The following EGFR variants were observed in gnomAD, a reference collection of about 807,000 sequenced individuals.
EGFR encodes the protein avian erythroblastic leukemia viral (v-erb-b) oncogene homolog.
EGFR carries 58 observed loss-of-function variants against 143.0 expected under a neutral mutation model. The ratio of observed to expected loss-of-function variants is 0.41; its 90% CI spans 0.33 to 0.50. EGFR has a LOEUF of 0.50. Ranked by LOEUF, EGFR falls within the 20% of genes least tolerant of loss-of-function variation. The pLI, the probability that EGFR is intolerant of heterozygous loss-of-function variation, is 0.39. For synonymous variants in EGFR, 613 were observed against 594.4 expected (o/e 1.03, Z -0.45); for missense variants, 1,307 against 1,579.0 (o/e 0.83, Z 2.92).
At chr7:55,049,218 A>C (rs1241551336) in intron 1 of EGFR, among the ~76,000 whole-genome samples, 1 of 152,218 alleles carries the variant, frequency 6.6e-6, no homozygotes, top group Non-Finnish European at 1.5e-5. Context: ...ACATAGGAAT[A>C]ACGACCACTG....
chr7:55,165,975 T>C lies in EGFR; in HGVS notation c.1880+538T>C, dbSNP rs182615833. On this transcript the variant is annotated intron_variant, in intron 15 of 27. Transcript: ENST00000275493. Reference sequence around the variant, plus strand: ...GGCAGATCACTTGAGGTCAGGAGCTTGAGACCAGGCTGGCCAACATGGTGA... The same window carrying C: ...GGCAGATCACTTGAGGTCAGGAGCTCGAGACCAGGCTGGCCAACATGGTGA... Among the ~76,000 whole-genome samples the C allele has an allele frequency of 8.2e-3, 1,243 of 152,202 alleles. 19 individuals are homozygous for C. The highest frequency in any genetic ancestry group is 0.028 in the African/African-American group (1,169 of 41,524).
chr7:55,151,214 C>T, intron 4 of EGFR, 80 bp from the exon 5 acceptor site: 12 of 1,392,658 alleles, frequency 8.6e-6, no homozygotes, highest in Non-Finnish European at 1.1e-5. Flanking sequence ...ATTGAATGTG[C>T]TTAACTCAGG....
In EGFR at chr7:55,092,816, G is replaced by A. The variant is rs533711719; in HGVS notation, c.89-49470G>A. ...CAGCGGGCGGTGTGGGACCGGCACC[G>A]TATCTCCAGCAATTCGCAGATAACA... On this transcript the variant is annotated intron_variant, in intron 1 of 27. Coordinates refer to ENST00000275493, the MANE Select transcript of EGFR (RefSeq NM_005228.5). 3.3e-4 allele frequency among the ~76,000 whole-genome samples: 50 copies of A among 152,354 alleles called. 1 individual carries two copies. The South Asian group carries it at 5.4e-3, about 16-fold the overall frequency.
chr7:55,165,287 A>G lies in EGFR; in HGVS notation c.1730A>G (p.Asp577Gly), dbSNP rs1785909930. 6.2e-7 allele frequency: 1 copy of G among 1,614,192 alleles called. No individual in the cohort carries two copies. The highest frequency in any genetic ancestry group is 1.1e-5 in the South Asian group (1 of 91,086). ...TTCTCCACCTTGGTGCAGGGACCAG[A>G]CAACTGTATCCAGTGTGCCCACTAC... is the stretch of plus-strand genomic sequence containing the variant. ...MNITCTGRGP[D>G]NCIQCAHYID... The change falls in exon 15 of 28, where the codon GAC (aspartate) becomes GGC (glycine). Residue 577 changes from aspartate (D) to glycine (G), a missense_variant. Asp to Gly is a moderately conservative substitution (Grantham distance 94). Transcript: ENST00000275493.
At chr7:55,106,002 C>T (rs17289371) in intron 1 of EGFR, among the ~76,000 whole-genome samples, 6,316 of 152,254 alleles carry the variant, frequency 0.041, 262 homozygotes, top group East Asian at 0.19. Context: ...TTTCTGTGTG[C>T]TTACTTGAAA....
intron 20 of EGFR, 177 bp downstream of exon 20, chr7:55,181,655 T>C (rs1786885986): frequency 1.3e-6 from 1 of 745,846 alleles, no homozygotes; most frequent in South Asian, 1.7e-5. Flanking sequence ...CACAAATCAG[T>C]GCCTGTCCCA....
At chr7:55,106,077 AG>A (rs1449847687) in intron 1 of EGFR, among the ~76,000 whole-genome samples, 2 of 152,236 alleles carry the variant, frequency 1.3e-5, no homozygotes, top group African/African-American at 4.8e-5. Context: ...CAGGAGACCT[AG>A]AGACCCAGGT....
At chr7:55,046,668 T>G (rs1788196445) in intron 1 of EGFR, among the ~76,000 whole-genome samples, 1 of 152,138 alleles carries the variant, frequency 6.6e-6, no homozygotes, top group Admixed American at 6.5e-5. Flanking sequence ...CGTACACATT[T>G]CATATTAAAG....
chr7:55,059,306 CT>C (rs1356736810), intron 1 of EGFR, among the ~76,000 whole-genome samples: 3 of 152,148 alleles, frequency 2.0e-5, no homozygotes, highest in African/African-American at 7.2e-5. Flanking sequence ...AATAAACTTC[CT>C]TTTTTGAGCT....
At chr7:55,071,744 G>A (rs1437483322) in intron 1 of EGFR, among the ~76,000 whole-genome samples, 1 of 152,200 alleles carries the variant, frequency 6.6e-6, no homozygotes, top group Non-Finnish European at 1.5e-5. Flanking sequence ...TTTCAAATTA[G>A]TACAGAATCA....
chr7:55,156,458 C>T (rs1255618585), intron 8 of EGFR, 75 bp from the exon 9 acceptor site: 1 of 1,602,684 alleles, frequency 6.2e-7, no homozygotes, highest in Non-Finnish European at 8.5e-7. Flanking sequence ...TTCCTGCTTC[C>T]CTCTGCCTGT....
Position 55,164,306 on chromosome 7 carries a change from G to C in EGFR, c.1722+483G>C, listed in dbSNP as rs146443333. On this transcript the variant is annotated intron_variant, in intron 14 of 27. Coordinates refer to ENST00000275493, the MANE Select transcript of EGFR (RefSeq NM_005228.5). ...ATAATCTTTTAAAGAATATGAGTGA[G>C]AATTCGGGCCCCTCTCACACCAAAT... 6.6e-4 allele frequency among the ~76,000 whole-genome samples: 100 copies of C among 152,260 alleles called. 2 individuals carry two copies. Among genetic ancestry groups the C allele is most frequent in the African/African-American group, 2.3e-3 (97 of 41,536 alleles).
At chr7:55,104,544 A>G (rs1008557942) in intron 1 of EGFR, among the ~76,000 whole-genome samples, 3 of 152,224 alleles carry the variant, frequency 2.0e-5, no homozygotes, top group African/African-American at 7.2e-5. Context: ...GGTTATCTGA[A>G]GGATTCCAGG....
intron 1 of EGFR, among the ~76,000 whole-genome samples, chr7:55,044,681 T>C (rs750388147): frequency 2.6e-5 from 4 of 152,200 alleles, no homozygotes; most frequent in African/African-American, 4.8e-5. Flanking sequence ...GCAAATCTGG[T>C]TGTGAGCTAG....
At chr7:55,177,934 C>T (rs538447676) in intron 19 of EGFR, among the ~76,000 whole-genome samples, 3 of 152,362 alleles carry the variant, frequency 2.0e-5, no homozygotes, top group East Asian at 1.9e-4. Context: ...ACGGGACACA[C>T]GACTGAACAG....
At chr7:55,157,863 C>A in intron 11 of EGFR, 110 bp downstream of exon 11, 2 of 1,077,340 alleles carry the variant, frequency 1.9e-6, no homozygotes, top group Non-Finnish European at 2.8e-6. Context: ...GCATCTCTCG[C>A]CGGCATTCCC....
intron 3 of EGFR, among the ~76,000 whole-genome samples, chr7:55,144,740 G>C (rs943479201): frequency 6.6e-6 from 1 of 152,162 alleles, no homozygotes; most frequent in African/African-American, 2.4e-5. Flanking sequence ...ACGCTGTCTC[G>C]GAGGGAGGCA....
At chr7:55,093,350 G>C (rs4947972) in intron 1 of EGFR, among the ~76,000 whole-genome samples, 39,209 of 152,186 alleles carry the variant, frequency 0.26, 7,011 homozygotes, top group East Asian at 0.86. Flanking sequence ...CTTTTGTGTT[G>C]GGAATTGTGC....
chr7:55,110,884 T>C (rs905223782), intron 1 of EGFR, among the ~76,000 whole-genome samples: 1 of 152,152 alleles, frequency 6.6e-6, no homozygotes, highest in African/African-American at 2.4e-5. Context: ...ATGGGAGTGA[T>C]TTCATTTTCC....
Sources: allele counts gnomAD v4.1 joint callset (sites outside exome capture counted in the v4.1 genomes callset), GRCh38; gene constraint gnomAD v4.1.1; transcripts MANE v1.5; gene names NCBI Gene and HGNC (gene_info 2026-07-23, HGNC 2026-07-21).